The following DCBLD1 variants were observed in gnomAD, a reference collection of about 807,000 sequenced individuals.
DCBLD1 encodes discoidin, CUB and LCCL domain containing 1.
In DCBLD1, 57 loss-of-function variants were observed where a neutral mutation model predicts 71.5. That is an observed-to-expected ratio of 0.80 (90% confidence interval 0.64 to 0.99). The LOEUF is 0.99. Ranked by LOEUF, DCBLD1 falls within the 50% of genes least tolerant of loss-of-function variation. DCBLD1 has a pLI of 0.00. For synonymous variants in DCBLD1, 380 were observed against 363.8 expected (o/e 1.04, Z -0.51); for missense variants, 891 against 923.5 (o/e 0.96, Z 0.46).
chr6:117,557,296 T>C (rs1779506701), intron 14 of DCBLD1, among the ~76,000 whole-genome samples: 1 of 152,230 alleles, frequency 6.6e-6, no homozygotes, highest in African/African-American at 2.4e-5. Context: ...TCCATGTTCT[T>C]TTGGAGAAAA....
At chr6:117,545,684 C>T (rs1201000274) in intron 14 of DCBLD1, 87 bp downstream of exon 14, 2 of 1,518,566 alleles carry the variant, frequency 1.3e-6, no homozygotes, top group South Asian at 2.6e-5. Flanking sequence ...AGGCAAAATC[C>T]TTTTCTATTT....
chr6:117,507,931 C>A (rs572709237), intron 2 of DCBLD1: 1 of 152,296 alleles, frequency 6.6e-6, no homozygotes, highest in East Asian at 1.9e-4. Flanking sequence ...AGAACTAAAT[C>A]TGCATTACAT....
intron 5 of DCBLD1, 130 bp from the exon 6 acceptor site, chr6:117,532,130 G>A (rs533267812): frequency 6.5e-4 from 857 of 1,327,322 alleles, no homozygotes; most frequent in Non-Finnish European, 8.1e-4. Flanking sequence ...CAACTCCAGG[G>A]CATGGCCATT....
chr6:117,527,863 A>T (rs889351937), intron 5 of DCBLD1, among the ~76,000 whole-genome samples: 6 of 152,158 alleles, frequency 3.9e-5, no homozygotes, highest in African/African-American at 1.4e-4. Context: ...CTGACAAATT[A>T]AGGCATCCAA....
chr6:117,522,417 A>G (rs1315168145), intron 4 of DCBLD1, among the ~76,000 whole-genome samples: 1 of 151,786 alleles, frequency 6.6e-6, no homozygotes, highest in East Asian at 1.9e-4. Context: ...ATTGTCAACA[A>G]CACTAACAAA....
At chr6:117,523,967 G>T (rs1329400753) in intron 4 of DCBLD1, among the ~76,000 whole-genome samples, 4 of 152,072 alleles carry the variant, frequency 2.6e-5, no homozygotes, top group African/African-American at 9.7e-5. Context: ...GTTTTTTATA[G>T]ATGTTTATAG....
At chr6:117,533,097 CA>C (rs1778777307) in intron 6 of DCBLD1, among the ~76,000 whole-genome samples, 1 of 152,130 alleles carries the variant, frequency 6.6e-6, no homozygotes, top group African/African-American at 2.4e-5. Flanking sequence ...AAGTGGGAGA[CA>C]CTCCTGGAGT....
chr6:117,487,885 T>C (rs1053823563), intron 1 of DCBLD1, among the ~76,000 whole-genome samples: 1 of 152,142 alleles, frequency 6.6e-6, no homozygotes, highest in Non-Finnish European at 1.5e-5. Context: ...CAGATGTTTA[T>C]TGTCTGCTTT....
intron 1 of DCBLD1, among the ~76,000 whole-genome samples, chr6:117,501,088 T>C (rs11153664): frequency 0.3 from 44,834 of 151,978 alleles, 7,776 homozygotes; most frequent in African/African-American, 0.49. Flanking sequence ...CAGGAGATTT[T>C]TTGGTGGCTT....
At chr6:117,538,572 G>A in intron 7 of DCBLD1, 48 bp from the exon 8 acceptor site, 2 of 1,545,656 alleles carry the variant, frequency 1.3e-6, no homozygotes, top group South Asian at 2.4e-5. Flanking sequence ...TTTTTTTGCT[G>A]TTATTTTATG....
Position 117,503,798 on chromosome 6 carries a change from G to A in DCBLD1, c.144G>A (p.Gln48=), listed in dbSNP as rs1222600816. Residue 48 remains glutamine (Q), a synonymous_variant, in exon 2 of 15, where the codon CAG becomes CAA. Coordinates refer to ENST00000338728, the MANE Select transcript of DCBLD1 (RefSeq NM_001366458.2). ...GDGCGHLVTY[Q]DSGTMTSKNY... is the part of the protein sequence containing the mutation. ...GCTGTGGACACCTAGTGACTTATCA[G>A]GATAGTGGCACAATGACATCTAAGA... 6.2e-7 allele frequency: 1 copy of A among 1,614,012 alleles called. No individual in the cohort carries two copies. Among genetic ancestry groups the A allele is most frequent in the Admixed American group, 1.7e-5 (1 of 60,018 alleles).
intron 1 of DCBLD1, among the ~76,000 whole-genome samples, chr6:117,496,877 A>T (rs796389235): frequency 3.3e-5 from 5 of 152,320 alleles, no homozygotes; most frequent in African/African-American, 1.2e-4. Context: ...TAGTGGTATC[A>T]TTTAACTTTT....
chr6:117,531,810 C>G (rs1273551839), intron 5 of DCBLD1, among the ~76,000 whole-genome samples: 1 of 152,164 alleles, frequency 6.6e-6, no homozygotes, highest in Non-Finnish European at 1.5e-5. Flanking sequence ...GTCTAATAGC[C>G]TAAGTATAAG....
chr6:117,523,899 TG>T (rs1778462409), intron 4 of DCBLD1, among the ~76,000 whole-genome samples: 1 of 152,158 alleles, frequency 6.6e-6, no homozygotes, highest in Non-Finnish European at 1.5e-5. Context: ...TAAGGGCACA[TG>T]GCATGCATCT....
intron 5 of DCBLD1, among the ~76,000 whole-genome samples, chr6:117,527,522 C>G (rs1348615991): frequency 2.6e-5 from 4 of 152,150 alleles, no homozygotes; most frequent in African/African-American, 9.7e-5. Flanking sequence ...TGTTGTCTTA[C>G]AGAGCTATTA....
chr6:117,496,295 AATT>A (rs1777467526), intron 1 of DCBLD1, among the ~76,000 whole-genome samples: 1 of 151,914 alleles, frequency 6.6e-6, no homozygotes, highest in Non-Finnish European at 1.5e-5. Flanking sequence ...GATTTTGAAT[AATT>A]ATTTTGTTTT....
intron 1 of DCBLD1, among the ~76,000 whole-genome samples, chr6:117,496,944 T>A (rs1208483048): frequency 2.0e-5 from 3 of 152,212 alleles, no homozygotes; most frequent in African/African-American, 7.2e-5. Context: ...GATAAAAAAA[T>A]CTGTGTTCTA....
chr6:117,499,561 T>C (rs1246235955), intron 1 of DCBLD1, among the ~76,000 whole-genome samples: 1 of 152,194 alleles, frequency 6.6e-6, no homozygotes, highest in Non-Finnish European at 1.5e-5. Flanking sequence ...TTAATTAACC[T>C]TTTTATTTTC....
At chr6:117,527,316 A>C (rs1333582116) in intron 5 of DCBLD1, among the ~76,000 whole-genome samples, 1 of 152,206 alleles carries the variant, frequency 6.6e-6, no homozygotes, top group East Asian at 1.9e-4. Context: ...TACAGGGAGC[A>C]GGGATCATGG....
Sources: gnomAD v4.1 joint callset for allele counts (sites outside exome capture counted in the v4.1 genomes callset) on GRCh38, gnomAD v4.1.1 for gene constraint, MANE v1.5 for transcripts, NCBI Gene and HGNC (gene_info 2026-07-23, HGNC 2026-07-21) for gene names.